BMPER: variants seen among roughly 807,000 people sequenced by gnomAD.
BMPER encodes BMP binding endothelial regulator, also known as BMP-binding endothelial regulator protein.
BMPER carries 45 observed loss-of-function variants against 87.3 expected under a neutral mutation model. The observed-to-expected ratio is 0.52, with a 90% CI of 0.41 to 0.66. The LOEUF (loss-of-function observed/expected upper bound fraction) is 0.66, where lower values mean the gene tolerates loss of function less well. Among genes scored for constraint, BMPER ranks in the 30% least tolerant of loss-of-function variants. The pLI, the probability that BMPER is intolerant of heterozygous loss-of-function variation, is 0.00. For synonymous variants in BMPER, 326 were observed against 316.2 expected, an observed-to-expected ratio of 1.03 and a Z score of -0.33; for missense variants, 784 against 867.5, an observed-to-expected ratio of 0.90 and a Z score of 1.21.
In BMPER at chr7:33,937,389, G is replaced by A; in HGVS notation, c.319+1G>A. On this transcript the variant is annotated splice_donor_variant, in intron 3 of 14. Coordinates refer to ENST00000649409, the MANE Select transcript of BMPER (RefSeq NM_001365308.1). LOFTEE classifies it high-confidence loss of function. ...GGAGCCTGTTGTGAACAGTGCAAAG[G>A]TGATTGATGTCTTGGCCGTCTTCTC... 1.2e-6 allele frequency: 2 copies of A among 1,613,608 alleles called. No homozygotes were observed. The highest frequency in any genetic ancestry group is 1.7e-6 in the Non-Finnish European group (2 of 1,179,488).
At position 33,934,928 on chromosome 7, in the gene BMPER, G is replaced by A. The variant is rs148678457; in HGVS notation, c.220-2361G>A. ...ACAATTCTCTTGGGGTGGGAGAGTCGGTATAAAATTTAGCTTGCAAGAACT... is the reference window on the plus strand; with the variant it reads ...ACAATTCTCTTGGGGTGGGAGAGTCAGTATAAAATTTAGCTTGCAAGAACT... On this transcript the variant is annotated intron_variant, in intron 2 of 14. Coordinates refer to ENST00000649409, the MANE Select transcript of BMPER (RefSeq NM_001365308.1). 1.5e-3 allele frequency among the ~76,000 whole-genome samples: 229 copies of A among 152,068 alleles called. 1 individual carries two copies. The highest frequency in any genetic ancestry group is 5.3e-3 in the African/African-American group (220 of 41,480).
At chr7:33,994,764 G>T (rs903788612) in intron 6 of BMPER, among the ~76,000 whole-genome samples, 2 of 152,150 alleles carry the variant, frequency 1.3e-5, no homozygotes, top group Admixed American at 6.5e-5. Context: ...TGGGAGTGAG[G>T]AGACCTGTGG....
chr7:34,084,456 T>A (rs1224187435), intron 12 of BMPER, among the ~76,000 whole-genome samples: 2 of 152,178 alleles, frequency 1.3e-5, no homozygotes. Context: ...TGTAGATGTT[T>A]CTTGGTGTCC....
chr7:34,080,048 T>G (rs1788972396), intron 12 of BMPER, among the ~76,000 whole-genome samples: 1 of 152,220 alleles, frequency 6.6e-6, no homozygotes, highest in Non-Finnish European at 1.5e-5. Flanking sequence ...ATGCTACCTT[T>G]GGTTAATATA....
chr7:34,118,906 C>G (rs549491744), intron 13 of BMPER, among the ~76,000 whole-genome samples: 2 of 151,860 alleles, frequency 1.3e-5, no homozygotes, highest in African/African-American at 4.8e-5. Flanking sequence ...GGGTCTCTAG[C>G]CTGCCAGGCT....
upstream of BMPER, chr7:33,905,438 T>TCCCCCCCCCCCCCCCCCCACCCC: frequency 1.3e-4 from 3 of 23,002 alleles, no homozygotes; most frequent in Non-Finnish European, 2.5e-4. Flanking sequence ...CCTTGGTCTC[T>TCCCCCCCCCCCCCCCCCCACCCC]CCCCCCGCCC....
chr7:33,913,575 G>A lies in BMPER; in HGVS notation c.219+6672G>A, dbSNP rs141501802. Among the ~76,000 whole-genome samples, 539 of 152,190 alleles carry A rather than the reference G, an allele frequency of 3.5e-3. 2 individuals carry two copies. Among genetic ancestry groups the A allele is most frequent in the African/African-American group, 0.012 (505 of 41,514 alleles). On this transcript the variant is annotated intron_variant, in intron 2 of 14. Transcript: ENST00000649409. ...GTGTTGGGATAAACCAATGTTGCCC[G>A]GTCTTTTGAATTTCTTTGACTACAT...
At chr7:34,043,844 G>T (rs115802372) in intron 6 of BMPER, among the ~76,000 whole-genome samples, 4 of 152,186 alleles carry the variant, frequency 2.6e-5, no homozygotes, top group African/African-American at 9.7e-5. Context: ...AAGCTACTGC[G>T]ATCATCTGAT....
At chr7:34,084,447 G>T (rs768872387) in intron 12 of BMPER, among the ~76,000 whole-genome samples, 2 of 152,208 alleles carry the variant, frequency 1.3e-5, no homozygotes, top group African/African-American at 2.4e-5. Context: ...TTGATCCACT[G>T]TAGATGTTTC....
At chr7:34,004,740 C>T (rs1407363186) in intron 6 of BMPER, among the ~76,000 whole-genome samples, 4 of 152,130 alleles carry the variant, frequency 2.6e-5, no homozygotes, top group Admixed American at 1.3e-4. Context: ...GTACGACTCC[C>T]AACCTTTGCC....
Position 34,046,412 on chromosome 7 carries a change from TACTATTTTC to T in BMPER, c.676+9_676+17del. The T allele has an allele frequency of 1.2e-6, 2 of 1,610,308 alleles. No individual in the cohort carries two copies. Among genetic ancestry groups the T allele is most frequent in the Middle Eastern group, 1.7e-4 (1 of 6,052 alleles). On this transcript the variant is annotated splice_region_variant and intron_variant, in intron 7 of 14. Coordinates refer to ENST00000649409, the MANE Select transcript of BMPER (RefSeq NM_001365308.1). ...TGCTGCCCCAAATGTTTGGGTGAGT[TACTATTTTC>T]AGGTCAAAGAACAATGTAATTTCTT...
chr7:34,018,522 T>A (rs1424984303), intron 6 of BMPER, among the ~76,000 whole-genome samples: 1 of 152,006 alleles, frequency 6.6e-6, no homozygotes, highest in African/African-American at 2.4e-5. Context: ...GGCAAAATTC[T>A]GCATGCCTCG....
At chr7:34,095,487 C>T (rs1361199836) in intron 13 of BMPER, among the ~76,000 whole-genome samples, 2 of 152,184 alleles carry the variant, frequency 1.3e-5, no homozygotes, top group African/African-American at 4.8e-5. Context: ...TATCTTTAAG[C>T]TTATGTCTTT....
At chr7:33,944,837 T>A (rs1784846816) in intron 3 of BMPER, among the ~76,000 whole-genome samples, 1 of 152,208 alleles carries the variant, frequency 6.6e-6, no homozygotes, top group Non-Finnish European at 1.5e-5. Flanking sequence ...TGTAAATTGG[T>A]CTTTACTACT....
At chr7:33,919,060 G>A (rs73693050) in intron 2 of BMPER, among the ~76,000 whole-genome samples, 2 of 152,018 alleles carry the variant, frequency 1.3e-5, no homozygotes, top group Admixed American at 6.5e-5. Flanking sequence ...GCACGTGTGT[G>A]GGGGGGAATT....
Position 33,937,294 on chromosome 7 carries a change from G to T in BMPER, c.225G>T (p.Lys75Asn), listed in dbSNP as rs1360042798. The change falls in exon 3 of 15, where the codon AAG (lysine) becomes AAT (asparagine). Residue 75 changes from lysine to asparagine, a missense_variant. Physicochemically the swap from Lys to Asn is moderately conservative, Grantham distance 94 (BLOSUM62 0). Coordinates refer to ENST00000649409, the MANE Select transcript of BMPER (RefSeq NM_001365308.1). ...TCGTGTCTCTTTTTGTCTAGAACAA[G>T]GAAGTGACATGTAAGAGAGAGAAGT... ...NPCIMCVCLN[K>N]EVTCKREKCP... 6.2e-7 allele frequency: 1 copy of T among 1,613,998 alleles called. No homozygotes were observed.
rs556736942 is a variant in BMPER at position 33,962,170 on chromosome 7, G to A, written c.320-4309G>A. On this transcript the variant is annotated intron_variant, in intron 3 of 14. Transcript: ENST00000649409. ...AGGTCAGAACTAATAGGAAAAATGAGTTTTATTGCTTAACTGTGGATTCAA... is the reference window on the plus strand; with the variant it reads ...AGGTCAGAACTAATAGGAAAAATGAATTTTATTGCTTAACTGTGGATTCAA... Among the ~76,000 whole-genome samples, 60 of 152,270 alleles carry A rather than the reference G, an allele frequency of 3.9e-4. No homozygotes were observed. In the South Asian group the frequency reaches 0.012, roughly 31 times the overall value.
chr7:34,124,756 A>C (rs1042219616), intron 13 of BMPER, among the ~76,000 whole-genome samples: 4 of 152,106 alleles, frequency 2.6e-5, no homozygotes, highest in African/African-American at 4.8e-5. Context: ...CATACCTCTG[A>C]TATTTCATTG....
intron 13 of BMPER, among the ~76,000 whole-genome samples, chr7:34,134,730 C>G (rs1015515241): frequency 2.6e-5 from 4 of 152,228 alleles, no homozygotes; most frequent in Middle Eastern, 3.4e-3. Flanking sequence ...TAACTGTGGG[C>G]ATGAAGATTA....
Sources: gnomAD v4.1 joint callset for allele counts (sites outside exome capture counted in the v4.1 genomes callset) on GRCh38, gnomAD v4.1.1 for gene constraint, MANE v1.5 for transcripts, NCBI Gene and HGNC (gene_info 2026-07-23, HGNC 2026-07-21) for gene names.